Variants in ATP9B observed in about 807,000 individuals in gnomAD.
ATP9B encodes the protein ATPase phospholipid transporting 9B, also known as probable phospholipid-transporting ATPase IIB.
ATP9B carries 110 observed loss-of-function variants against 146.1 expected under a neutral mutation model. The ratio of observed to expected loss-of-function variants is 0.75; its 90% CI spans 0.65 to 0.88. The LOEUF (loss-of-function observed/expected upper bound fraction) is 0.88. ATP9B is among the 40% of genes least tolerant of loss of function. The pLI is 0.00. For synonymous variants in ATP9B, 604 were observed against 569.7 expected (o/e 1.06, Z -0.86); for missense variants, 1,499 against 1,496.4 (o/e 1.00, Z -0.03).
chr18:79,344,215 G>A (rs2096873768), intron 20 of ATP9B, 50 bp from the exon 21 acceptor site: 2 of 1,523,684 alleles, frequency 1.3e-6, no homozygotes, highest in East Asian at 2.3e-5. Context: ...CTCTGTGCCT[G>A]TAACTTAGAC....
At chr18:79,288,741 A>G (rs1371792887) in intron 13 of ATP9B, among the ~76,000 whole-genome samples, 5 of 152,206 alleles carry the variant, frequency 3.3e-5, no homozygotes. Flanking sequence ...ATGATTTTGC[A>G]GCGGCTGGTA....
chr18:79,333,957 G>A (rs535125563), intron 17 of ATP9B, among the ~76,000 whole-genome samples: 7 of 152,314 alleles, frequency 4.6e-5, no homozygotes, highest in African/African-American at 1.7e-4. Flanking sequence ...CATCTGGATG[G>A]AGAGTCTTAA....
At chr18:79,089,632 G>A (rs887636811) in intron 1 of ATP9B, among the ~76,000 whole-genome samples, 3 of 152,052 alleles carry the variant, frequency 2.0e-5, no homozygotes, top group African/African-American at 4.8e-5. Context: ...TTAATTATTC[G>A]TTATTATAGA....
chr18:79,372,769 C>T (rs1368295364), intron 26 of ATP9B, 56 bp from the exon 27 acceptor site: 7 of 1,161,672 alleles, frequency 6.0e-6, no homozygotes, highest in African/African-American at 1.5e-5. Context: ...TCCTGGAAGG[C>T]GTGAGTCAAG....
chr18:79,337,187 C>T, intron 18 of ATP9B, 92 bp from the exon 19 acceptor site: 1 of 1,103,944 alleles, frequency 9.1e-7, no homozygotes, highest in Admixed American at 2.8e-5. Context: ...TCACCTCCCC[C>T]TCTGTCCCCA....
intron 2 of ATP9B, among the ~76,000 whole-genome samples, chr18:79,103,461 CAT>C (rs750344767): frequency 4.0e-5 from 6 of 151,830 alleles, no homozygotes; most frequent in Non-Finnish European, 7.4e-5. Flanking sequence ...GGTTGGGAGA[CAT>C]GTGGTATACC....
intron 10 of ATP9B, among the ~76,000 whole-genome samples, chr18:79,211,888 G>A (rs1386283580): frequency 6.6e-6 from 1 of 152,148 alleles, no homozygotes; most frequent in African/African-American, 2.4e-5. Context: ...CTGAAAATAT[G>A]GGTTAAAGTT....
chr18:79,176,782 G>T lies in ATP9B; in HGVS notation c.779-31G>T, dbSNP rs764029405. The T allele has an allele frequency of 4.4e-6, 7 of 1,586,330 alleles. No individual in the cohort carries two copies. The African/African-American group carries it at 9.4e-5, about 21-fold the overall frequency. Reference sequence around the variant, plus strand: ...GGAAAAACCTTCTGTAACAATTCAAGAGTGGTAAATTTTTATTCTCTACTT... The same window carrying T: ...GGAAAAACCTTCTGTAACAATTCAATAGTGGTAAATTTTTATTCTCTACTT... On this transcript the variant is annotated intron_variant, in intron 7 of 29. Coordinates refer to ENST00000426216, the MANE Select transcript of ATP9B (RefSeq NM_198531.5).
intron 13 of ATP9B, among the ~76,000 whole-genome samples, chr18:79,295,794 A>C (rs2096543691): frequency 6.6e-6 from 1 of 152,146 alleles, no homozygotes; most frequent in African/African-American, 2.4e-5. Context: ...TTCCCTTAAA[A>C]GCAAGGTCCT....
At chr18:79,079,144 T>A (rs1420792684) in intron 1 of ATP9B, among the ~76,000 whole-genome samples, 1 of 152,196 alleles carries the variant, frequency 6.6e-6, no homozygotes, top group Non-Finnish European at 1.5e-5. Flanking sequence ...GTCTTTATAG[T>A]AGAATGATTT....
intron 15 of ATP9B, among the ~76,000 whole-genome samples, chr18:79,312,578 G>A (rs1340459242): frequency 6.6e-6 from 1 of 152,180 alleles, no homozygotes; most frequent in Non-Finnish European, 1.5e-5. Flanking sequence ...TCTTCCTTAC[G>A]CCACATCTGC....
intron 13 of ATP9B, among the ~76,000 whole-genome samples, chr18:79,288,247 A>T (rs2096464641): frequency 6.7e-6 from 1 of 149,536 alleles, no homozygotes; most frequent in African/African-American, 2.4e-5. Context: ...ATTGTGTGGG[A>T]GTCTAAGTCT....
Position 79,253,498 on chromosome 18 carries a change from C to A in ATP9B, c.1225C>A (p.Leu409Ile). The change falls in exon 12 of 30, where the codon CTT becomes ATT. Residue 409 changes from leucine to isoleucine, a missense_variant. Coordinates refer to ENST00000426216, the MANE Select transcript of ATP9B (RefSeq NM_198531.5). The stretch of plus-strand genomic sequence containing the variant: ...ATTTGTGGGTCCATGGTACCGCAAT[C>A]TTTTTCGGTTCCTTCTCCTCTTTTC... The part of the protein sequence containing the change: ...QGFVGPWYRN[L>I]FRFLLLFSYI... 1.9e-6 allele frequency: 3 copies of A among 1,608,186 alleles called. No individual in the cohort carries two copies. Among genetic ancestry groups the A allele is most frequent in the South Asian group, 1.1e-5 (1 of 89,392 alleles).
chr18:79,172,955 T>C (rs772425524), intron 7 of ATP9B, among the ~76,000 whole-genome samples: 4 of 152,230 alleles, frequency 2.6e-5, no homozygotes, highest in Non-Finnish European at 4.4e-5. Flanking sequence ...ACTGACAAAC[T>C]CTTTTCCAGA....
rs398033647 is a variant in ATP9B at position 79,256,286 on chromosome 18, T to TATATATATATATATACACACAC, written c.1268+2746_1268+2747insTATATATATATATACACACACA. On this transcript the variant is annotated intron_variant, in intron 12 of 29. Transcript: ENST00000426216. The stretch of plus-strand genomic sequence containing the variant: ...ATATATATATATATATATATATATA[T>TATATATATATATATACACACAC]ACATACATAGTGAGGCTATGTTATT... Among the ~76,000 whole-genome samples the TATATATATATATATACACACAC allele has an allele frequency of 3.4e-4, 42 of 123,058 alleles. 1 individual carries two copies. Among genetic ancestry groups the TATATATATATATATACACACAC allele is most frequent in the African/African-American group, 1.3e-3 (41 of 30,794 alleles). The allele number at this position is 123,058 out of a possible 152,430, so 80.7% of individuals were successfully genotyped here.
Position 79,316,504 on chromosome 18 carries a change from A to G in ATP9B, c.1773+9270A>G, listed in dbSNP as rs144188290. Among the ~76,000 whole-genome samples the G allele has an allele frequency of 1.3e-3, 200 of 152,158 alleles. 4 individuals carry two copies. The highest frequency in any genetic ancestry group is 4.8e-3 in the African/African-American group (198 of 41,514). ...TACAGTCCAACCAAAGACTGCAAAT[A>G]ATAACCTCAAAGAAGCTGTGGCAAA... is the stretch of plus-strand genomic sequence containing the variant. On this transcript the variant is annotated intron_variant, in intron 15 of 29. Coordinates refer to ENST00000426216, the MANE Select transcript of ATP9B (RefSeq NM_198531.5).
At chr18:79,365,698 C>T (rs11664560) in intron 26 of ATP9B, among the ~76,000 whole-genome samples, 35,483 of 143,918 alleles carry the variant, frequency 0.25, 4,534 homozygotes, top group East Asian at 0.46. Context: ...ACAGCTCCCG[C>T]GTGATGGAAG....
chr18:79,112,230 T>C (rs1377572953), intron 3 of ATP9B, among the ~76,000 whole-genome samples: 2 of 152,210 alleles, frequency 1.3e-5, no homozygotes, highest in African/African-American at 4.8e-5. Context: ...CTAAGTGGCA[T>C]GGAAATGGCA....
intron 13 of ATP9B, among the ~76,000 whole-genome samples, chr18:79,284,201 G>A (rs2096409898): frequency 6.6e-6 from 1 of 152,188 alleles, no homozygotes; most frequent in Non-Finnish European, 1.5e-5. Context: ...AATCTCACAG[G>A]TAAGACTTGG....
Sources: allele counts gnomAD v4.1 joint callset (sites outside exome capture counted in the v4.1 genomes callset), GRCh38; gene constraint gnomAD v4.1.1; transcripts MANE v1.5; gene names NCBI Gene and HGNC (gene_info 2026-07-23, HGNC 2026-07-21).